The following CCNY variants were observed in gnomAD, a reference collection of about 807,000 sequenced individuals.
CCNY encodes cyclin Y.
Under a neutral mutation model 42.8 loss-of-function variants are expected in CCNY, and 19 were observed. The ratio of observed to expected loss-of-function variants is 0.44; its 90% CI spans 0.31 to 0.65. The LOEUF is 0.65. Ranked by LOEUF, CCNY falls within the 30% of genes least tolerant of loss-of-function variation. CCNY has a pLI of 0.07. For synonymous variants in CCNY, 165 were observed against 162.7 expected (o/e 1.01, Z -0.11); for missense variants, 370 against 437.3 (o/e 0.85, Z 1.37).
At chr10:35,506,253 A>G (rs764677755) in intron 3 of CCNY, among the ~76,000 whole-genome samples, 9 of 152,268 alleles carry the variant, frequency 5.9e-5, no homozygotes, top group Non-Finnish European at 1.0e-4. Flanking sequence ...TTTCAAATGT[A>G]TAGAAAAGTA....
intron 2 of CCNY, 86 bp downstream of exon 2, chr10:35,483,564 T>G (rs1000079422): frequency 1.4e-5 from 12 of 843,426 alleles, no homozygotes; most frequent in Non-Finnish European, 2.2e-5. Flanking sequence ...GATTTAATTT[T>G]CAATATGAAA....
At chr10:35,323,280 A>C (rs1358785300) in intron 3 of CCNY, among the ~76,000 whole-genome samples, 2 of 152,074 alleles carry the variant, frequency 1.3e-5, no homozygotes, top group African/African-American at 4.8e-5. Context: ...CAGTAGTCTT[A>C]CTCCTAGATA....
intron 1 of CCNY, among the ~76,000 whole-genome samples, chr10:35,463,131 G>C (rs537165953): frequency 2.4e-4 from 36 of 152,230 alleles, no homozygotes; most frequent in Admixed American, 5.2e-4. Context: ...CTAGGGTTCT[G>C]CATTCAGATG....
intron 1 of CCNY, among the ~76,000 whole-genome samples, chr10:35,341,645 C>T (rs1836185947): frequency 4.0e-5 from 6 of 151,032 alleles, no homozygotes; most frequent in Admixed American, 3.3e-4. Flanking sequence ...AACATCATCG[C>T]GTATGTTTAT....
chr10:35,264,040 A>G (rs892252913), intron 3 of CCNY, among the ~76,000 whole-genome samples: 1 of 152,250 alleles, frequency 6.6e-6, no homozygotes, highest in South Asian at 2.1e-4. Context: ...ATAGTATTCC[A>G]TGGTGTCTAT....
chr10:35,309,802 T>C (rs565491193), intron 3 of CCNY, among the ~76,000 whole-genome samples: 6 of 152,052 alleles, frequency 3.9e-5, no homozygotes, highest in Non-Finnish European at 5.9e-5. Context: ...TATTTACTTA[T>C]TTATTTATTT....
intron 3 of CCNY, among the ~76,000 whole-genome samples, chr10:35,282,720 C>CA (rs71033390): frequency 0.045 from 3,968 of 87,954 alleles, 72 homozygotes; most frequent in Non-Finnish European, 0.066. Flanking sequence ...GAGACTGTCT[C>CA]AAAAAAAAAA....
At position 35,259,786 on chromosome 10, in the gene CCNY, ACAGGCTTGAGCCACTGGACCCAGCCC is replaced by A. The variant is rs1157916370; in HGVS notation, c.-9+9164_-9+9189del. On this transcript the variant is annotated intron_variant, in intron 3 of 11. Coordinates refer to the CCNY transcript ENST00000374706. ...CTCGGCCTCCCAAAGTGCTGGGATT[ACAGGCTTGAGCCACTGGACCCAGCCC>A]CAGTCCTATTTTTTTTTTAATGTAG... 3.3e-5 allele frequency among the ~76,000 whole-genome samples: 5 copies of A among 150,014 alleles called. No homozygotes were observed. The East Asian group carries it at 9.9e-4, about 30-fold the overall frequency.
At chr10:35,338,862 A>G (rs1210105713) in intron 1 of CCNY, among the ~76,000 whole-genome samples, 2 of 152,236 alleles carry the variant, frequency 1.3e-5, no homozygotes, top group Non-Finnish European at 2.9e-5. Context: ...ATTATAGACT[A>G]TTGTAAGGAA....
At chr10:35,444,547 T>C (rs1352642256) in intron 1 of CCNY, among the ~76,000 whole-genome samples, 1 of 152,200 alleles carries the variant, frequency 6.6e-6, no homozygotes, top group Admixed American at 6.5e-5. Flanking sequence ...TGTGTCTGGC[T>C]ATAACTGTTT....
chr10:35,513,973 A>G (rs1840373511), intron 3 of CCNY, among the ~76,000 whole-genome samples: 1 of 147,502 alleles, frequency 6.8e-6, no homozygotes, highest in African/African-American at 2.5e-5. Flanking sequence ...TGAGTGATAC[A>G]CCTCTGCTGC....
At chr10:35,271,653 C>A (rs191457164) in intron 3 of CCNY, among the ~76,000 whole-genome samples, 106 of 152,320 alleles carry the variant, frequency 7.0e-4, no homozygotes, top group African/African-American at 2.5e-3. Context: ...TCCCACTCTG[C>A]ACCTCCACCA....
At chr10:35,401,503 ATTTTC>A (rs1318547936) in intron 1 of CCNY, among the ~76,000 whole-genome samples, 2 of 150,790 alleles carry the variant, frequency 1.3e-5, no homozygotes, top group South Asian at 2.1e-4. Context: ...TCCCAAAGAA[ATTTTC>A]TTTTCTTTTT....
intron 3 of CCNY, among the ~76,000 whole-genome samples, chr10:35,256,269 T>TATAA (rs2095715405): frequency 6.6e-6 from 1 of 151,570 alleles, no homozygotes; most frequent in Non-Finnish European, 1.5e-5. Context: ...TTTTGTCCCA[T>TATAA]GCTTCCTGCC....
At chr10:35,419,755 AAT>A (rs1313288958) in intron 1 of CCNY, among the ~76,000 whole-genome samples, 1 of 151,984 alleles carries the variant, frequency 6.6e-6, no homozygotes, top group Non-Finnish European at 1.5e-5. Context: ...CGTTTACGTA[AAT>A]ATATGTGTGC....
intron 1 of CCNY, among the ~76,000 whole-genome samples, chr10:35,402,285 G>GA (rs1293182447): frequency 6.6e-6 from 1 of 152,130 alleles, no homozygotes; most frequent in African/African-American, 2.4e-5. Flanking sequence ...TTTATGAATT[G>GA]AAAAACTAAA....
chr10:35,271,164 G>A (rs997373005), intron 3 of CCNY, among the ~76,000 whole-genome samples: 2 of 152,182 alleles, frequency 1.3e-5, no homozygotes, highest in Non-Finnish European at 2.9e-5. Context: ...TCTCAGAGAA[G>A]TGAAGTCACA....
Position 35,571,152 on chromosome 10 carries a change from A to G in CCNY, c.*1982A>G, listed in dbSNP as rs778343396. On this transcript the variant is annotated 3_prime_UTR_variant, in exon 10 of 10. Coordinates refer to ENST00000374704, the MANE Select transcript of CCNY (RefSeq NM_145012.6). ...CTTAAACATAAATTAGTTCCTCTCC[A>G]GTGAAGTATCTTATTTTACCAATCC... 6.6e-6 allele frequency: 1 copy of G among 152,214 alleles called. No homozygotes were observed. Among genetic ancestry groups the G allele is most frequent in the Non-Finnish European group, 1.5e-5 (1 of 68,032 alleles). 9.4% of individuals were successfully genotyped at this position (152,214 alleles called of 1,614,324 possible). A position where few individuals can be genotyped will look rare whatever the true frequency, so the allele number is the denominator to read the frequency against.
intron 2 of CCNY, among the ~76,000 whole-genome samples, chr10:35,484,051 T>G (rs1839733134): frequency 6.6e-6 from 1 of 152,236 alleles, no homozygotes; most frequent in Non-Finnish European, 1.5e-5. Flanking sequence ...GAGTTTTCTC[T>G]CTTTTCAGCC....
Sources: gnomAD v4.1 joint callset for allele counts (sites outside exome capture counted in the v4.1 genomes callset) on GRCh38, gnomAD v4.1.1 for gene constraint, MANE v1.5 for transcripts, NCBI Gene and HGNC (gene_info 2026-07-23, HGNC 2026-07-21) for gene names.